Variants in SPAG16 observed in about 807,000 individuals in gnomAD.
SPAG16 encodes sperm-associated antigen 16 protein.
SPAG16 carries 86 observed loss-of-function variants against 80.4 expected under a neutral mutation model. The observed-to-expected ratio is 1.07, with a 90% CI of 0.90 to 1.28. The LOEUF (loss-of-function observed/expected upper bound fraction) is 1.28. SPAG16 is among the 50% of genes most tolerant of loss of function. The pLI is 0.00. For missense variants in SPAG16, 870 were observed against 765.3 expected (o/e 1.14, Z -1.61); for synonymous variants, 294 against 265.9 (o/e 1.11, Z -1.03).
intron 15 of SPAG16, among the ~76,000 whole-genome samples, chr2:214,377,981 C>T (rs943355429): frequency 9.2e-5 from 14 of 152,034 alleles, no homozygotes; most frequent in African/African-American, 3.4e-4. Flanking sequence ...AATATGATCA[C>T]AAATGTCCTG....
At chr2:214,187,793 TC>T (rs1294629621) in intron 15 of SPAG16, among the ~76,000 whole-genome samples, 2 of 151,904 alleles carry the variant, frequency 1.3e-5, no homozygotes, top group African/African-American at 4.8e-5. Flanking sequence ...TTTTTTTTTT[TC>T]TGGTCGGAGG....
At chr2:214,304,393 A>G (rs571113782) in intron 15 of SPAG16, among the ~76,000 whole-genome samples, 2 of 152,320 alleles carry the variant, frequency 1.3e-5, no homozygotes, top group South Asian at 4.1e-4. Flanking sequence ...GCGTTCTTAA[A>G]CCACAAACAA....
At position 213,980,513 on chromosome 2, in the gene SPAG16, AAT is replaced by A. The variant is rs546071528; in HGVS notation, c.1401-33430_1401-33429del. 6.7e-3 allele frequency among the ~76,000 whole-genome samples: 926 copies of A among 137,838 alleles called. 34 individuals carry two copies. The East Asian group carries it at 0.071, about 11-fold the overall frequency. 90.4% of individuals were successfully genotyped at this position (137,838 alleles called of 152,430 possible). On this transcript the variant is annotated intron_variant, in intron 12 of 15. Coordinates refer to ENST00000331683, the MANE Select transcript of SPAG16 (RefSeq NM_024532.5). ...ATATATAGAATATATGTGTATATATAATATATATAGAATATATGTGTATATAT... is the reference window on the plus strand; with the variant it reads ...ATATATAGAATATATGTGTATATATAATATATAGAATATATGTGTATATAT...
At chr2:213,503,818 C>G (rs539714482) in intron 10 of SPAG16, among the ~76,000 whole-genome samples, 12 of 152,112 alleles carry the variant, frequency 7.9e-5, no homozygotes, top group Admixed American at 2.0e-4. Flanking sequence ...TAACCGGACC[C>G]AGGTTCAGCT....
intron 15 of SPAG16, among the ~76,000 whole-genome samples, chr2:214,325,536 G>A (rs1392675649): frequency 6.6e-6 from 1 of 151,854 alleles, no homozygotes; most frequent in Non-Finnish European, 1.5e-5. Flanking sequence ...TCATTTGGAG[G>A]GATAATATCT....
intron 15 of SPAG16, among the ~76,000 whole-genome samples, chr2:214,386,653 A>G (rs4274594): frequency 0.87 from 132,159 of 151,980 alleles, 57,564 homozygotes; most frequent in Middle Eastern, 0.9. Context: ...CTTGAGCTCA[A>G]TAATTAAAGA....
intron 10 of SPAG16, among the ~76,000 whole-genome samples, chr2:213,828,704 T>C (rs919788466): frequency 1.3e-5 from 2 of 152,222 alleles, no homozygotes; most frequent in African/African-American, 2.4e-5. Context: ...TTTGGTGTTT[T>C]GGTCCAAGTT....
At chr2:213,662,072 A>G (rs1264239258) in intron 10 of SPAG16, among the ~76,000 whole-genome samples, 1 of 151,694 alleles carries the variant, frequency 6.6e-6, no homozygotes, top group East Asian at 1.9e-4. Context: ...CTTATTAAAA[A>G]CCTTCTCCAG....
At chr2:214,255,709 C>G (rs1375437954) in intron 15 of SPAG16, among the ~76,000 whole-genome samples, 2 of 151,878 alleles carry the variant, frequency 1.3e-5, no homozygotes, top group African/African-American at 4.8e-5. Flanking sequence ...TGGTTTTCAA[C>G]CATATATTAG....
chr2:213,583,611 G>A (rs115089946), intron 10 of SPAG16, among the ~76,000 whole-genome samples: 4 of 152,050 alleles, frequency 2.6e-5, no homozygotes, highest in South Asian at 4.1e-4. Flanking sequence ...TTGACATTTG[G>A]GGGGGTGGTA....
At chr2:213,677,600 G>A (rs1184936529) in intron 10 of SPAG16, among the ~76,000 whole-genome samples, 4 of 152,022 alleles carry the variant, frequency 2.6e-5, no homozygotes, top group Non-Finnish European at 5.9e-5. Flanking sequence ...CAATACAGGA[G>A]CACCCAGATT....
At chr2:213,442,899 AT>A in intron 9 of SPAG16, among the ~76,000 whole-genome samples, 1 of 152,278 alleles carries the variant, frequency 6.6e-6, no homozygotes, top group East Asian at 1.9e-4. Context: ...TCGATAATTA[AT>A]TTTAATTGAT....
chr2:213,832,308 G>C (rs1331874188), intron 10 of SPAG16, among the ~76,000 whole-genome samples: 1 of 151,930 alleles, frequency 6.6e-6, no homozygotes. Context: ...TTTAATTCTT[G>C]TTGGGGCTCA....
chr2:213,732,983 C>T (rs536419210), intron 10 of SPAG16, among the ~76,000 whole-genome samples: 1 of 152,326 alleles, frequency 6.6e-6, no homozygotes, highest in African/African-American at 2.4e-5. Flanking sequence ...AACTAATTTA[C>T]ACTCCCACCA....
At chr2:213,563,406 C>G (rs1423198486) in intron 10 of SPAG16, among the ~76,000 whole-genome samples, 2 of 152,184 alleles carry the variant, frequency 1.3e-5, no homozygotes, top group Non-Finnish European at 2.9e-5. Context: ...GACTAGGTGG[C>G]TTTAATAACA....
chr2:213,971,879 G>GTTTTTTTTTTTTTTT (rs895112369), intron 12 of SPAG16, among the ~76,000 whole-genome samples: 1 of 148,206 alleles, frequency 6.7e-6, no homozygotes, highest in African/African-American at 2.5e-5. Flanking sequence ...TTGTTTTTTG[G>GTTTTTTTTTTTTTTT]TTTTTTTTTT....
chr2:214,082,331 T>A (rs1023403592), intron 13 of SPAG16, among the ~76,000 whole-genome samples: 2 of 152,200 alleles, frequency 1.3e-5, no homozygotes, highest in African/African-American at 4.8e-5. Flanking sequence ...TTTCATTAAA[T>A]AAAATGTGTC....
intron 13 of SPAG16, among the ~76,000 whole-genome samples, chr2:214,024,822 T>C (rs1316726088): frequency 6.6e-6 from 1 of 151,602 alleles, no homozygotes; most frequent in Non-Finnish European, 1.5e-5. Context: ...AAATAAGGAA[T>C]AGGATTGTCA....
chr2:213,664,740 C>G (rs887424529), intron 10 of SPAG16, among the ~76,000 whole-genome samples: 3 of 152,014 alleles, frequency 2.0e-5, no homozygotes, highest in Non-Finnish European at 4.4e-5. Flanking sequence ...TAAGAAATTT[C>G]TATTATTACT....
Sources: gnomAD v4.1 joint callset for allele counts (sites outside exome capture counted in the v4.1 genomes callset) on GRCh38, gnomAD v4.1.1 for gene constraint, MANE v1.5 for transcripts, NCBI Gene and HGNC (gene_info 2026-07-23, HGNC 2026-07-21) for gene names.